Variants in HCRTR1 observed in about 807,000 individuals in gnomAD.
HCRTR1 encodes the protein orexin/Hypocretin receptor type 1.
Under a neutral mutation model 40.6 loss-of-function variants are expected in HCRTR1, and 28 were observed. The observed-to-expected ratio is 0.69, with a 90% CI of 0.51 to 0.95. The LOEUF is 0.95. Among genes scored for constraint, HCRTR1 ranks in the 40% least tolerant of loss-of-function variants. The pLI is 0.00. For synonymous variants in HCRTR1, 209 were observed against 230.0 expected, an observed-to-expected ratio of 0.91 and a Z score of 0.83; for missense variants, 482 against 564.7, an observed-to-expected ratio of 0.85 and a Z score of 1.48.
chr1:31,631,767 T>C (rs1409516599), downstream of HCRTR1, among the ~76,000 whole-genome samples: 2 of 152,204 alleles, frequency 1.3e-5, no homozygotes, highest in Non-Finnish European at 2.9e-5. Flanking sequence ...GTGATTACTA[T>C]AGGTCATCTC....
Position 31,619,102 on chromosome 1 carries a change from C to A in HCRTR1, c.-91C>A. On this transcript the variant is annotated 5_prime_UTR_variant, in exon 3 of 9. The change creates a new upstream start codon in the 5' untranslated region. Transcript: ENST00000403528. The stretch of plus-strand genomic sequence containing the variant: ...ACCTGGGTGCAAGCCTCCAGGCACC[C>A]TGAAGGGAGTGGGCTGAGGGCTGGC... The A allele has an allele frequency of 1.8e-6, 2 of 1,139,700 alleles. No individual in the cohort carries two copies. The highest frequency in any genetic ancestry group is 1.5e-5 in the South Asian group (1 of 68,452). The allele number at this position is 1,139,700 out of a possible 1,614,324, so 70.6% of individuals were successfully genotyped here.
chr1:31,629,165 A>G (rs1640032923), downstream of HCRTR1, among the ~76,000 whole-genome samples: 1 of 152,222 alleles, frequency 6.6e-6, no homozygotes, highest in Non-Finnish European at 1.5e-5. Flanking sequence ...CGGGGATTCT[A>G]GCACTACAGC....
chr1:31,618,331 C>T (rs1194561619), intron 1 of HCRTR1, among the ~76,000 whole-genome samples: 1 of 152,104 alleles, frequency 6.6e-6, no homozygotes. Flanking sequence ...CGTCGGGGAG[C>T]GTCGCGGCCC....
At chr1:31,630,595 TC>T, downstream of HCRTR1, 1 of 1,610,018 alleles carries the variant, frequency 6.2e-7, no homozygotes, top group South Asian at 1.1e-5. Context: ...TGCACTCCAC[TC>T]TCCACAGATG....
chr1:31,619,266 C>T lies in HCRTR1; in HGVS notation c.74C>T (p.Pro25Leu), dbSNP rs1639797998. The T allele has an allele frequency of 6.2e-7, 1 of 1,613,984 alleles. No individual in the cohort carries two copies. Among genetic ancestry groups the T allele is most frequent in the South Asian group, 1.1e-5 (1 of 91,092 alleles). ...AGCAGAGAGCCGTCCCCTGTGCCTCCAGACTATGAAGATGAGTTTCTCCGC... is the reference window on the plus strand; with the variant it reads ...AGCAGAGAGCCGTCCCCTGTGCCTCTAGACTATGAAGATGAGTTTCTCCGC... ...PGSREPSPVP[P>L]DYEDEFLRYL... Residue 25 changes from proline to leucine, a missense_variant, in exon 3 of 9, where the codon CCA becomes CTA. Pro to Leu is a moderately conservative substitution (Grantham distance 98, BLOSUM62 -3). Transcript: ENST00000403528.
In HCRTR1 at chr1:31,626,622, T is replaced by C. The variant is rs1042836132; in HGVS notation, c.1088-168T>C. Among the ~76,000 whole-genome samples the C allele has an allele frequency of 6.6e-6, 1 of 152,122 alleles. No homozygotes were observed. Among genetic ancestry groups the C allele is most frequent in the Non-Finnish European group, 1.5e-5 (1 of 68,032 alleles). The stretch of plus-strand genomic sequence containing the variant: ...CTCCAGGGCTTCTGTCCTCTCTCTC[T>C]GGCGGTGCCGAGGTTGCCTCAGGGC... On this transcript the variant is annotated intron_variant, in intron 8 of 8. Coordinates refer to ENST00000403528, the MANE Select transcript of HCRTR1 (RefSeq NM_001525.3). The surrounding 1 kb of genome is among the most constrained non-coding windows in gnomAD (Gnocchi z 4.6).
At chr1:31,622,937 C>T (rs796747306) in intron 6 of HCRTR1, among the ~76,000 whole-genome samples, 5 of 152,280 alleles carry the variant, frequency 3.3e-5, no homozygotes, top group African/African-American at 1.2e-4. Context: ...TCAAGGTTCC[C>T]CACCTCTTTG....
chr1:31,630,781 G>T, downstream of HCRTR1: 1 of 1,613,820 alleles, frequency 6.2e-7, no homozygotes. Context: ...AGCGTGGGCA[G>T]TAGCGGGAGA....
chr1:31,620,694 G>T, intron 4 of HCRTR1, 149 bp from the exon 5 acceptor site: 1 of 962,018 alleles, frequency 1.0e-6, no homozygotes, highest in East Asian at 2.4e-5. Flanking sequence ...GCTCAGAGAG[G>T]GTGAGTGACT....
rs147846305 is a variant in HCRTR1 at position 31,623,774 on chromosome 1, G to C, written c.965+25G>C. On this transcript the variant is annotated intron_variant, in intron 7 of 8. Coordinates refer to ENST00000403528, the MANE Select transcript of HCRTR1 (RefSeq NM_001525.3). ...GGTGAGAGCACGGGGTATGGTTGGG[G>C]TGGGGAGAAGTTTGAGGTTGGGGAA... is the stretch of plus-strand genomic sequence containing the variant. The C allele has an allele frequency of 2.6e-5, 41 of 1,578,600 alleles. No homozygotes were observed. The African/African-American group carries it at 5.1e-4, about 20-fold the overall frequency.
downstream of HCRTR1, among the ~76,000 whole-genome samples, chr1:31,634,256 A>G (rs1292502479): frequency 6.6e-6 from 1 of 152,200 alleles, no homozygotes; most frequent in Non-Finnish European, 1.5e-5. Context: ...GGCAGGAGAG[A>G]TTCTGTGACA....
In HCRTR1 at chr1:31,617,785, G is replaced by A. The variant is rs199568505; in HGVS notation, c.-300G>A. 5.9e-5 allele frequency: 9 copies of A among 152,122 alleles called. No individual in the cohort carries two copies. The highest frequency in any genetic ancestry group is 1.9e-4 in the African/African-American group (8 of 41,446). 9.4% of individuals were successfully genotyped at this position (152,122 alleles called of 1,614,324 possible). A position where few individuals can be genotyped will look rare whatever the true frequency, so the allele number is the denominator to read the frequency against. On this transcript the variant is annotated 5_prime_UTR_variant, in exon 1 of 9. Transcript: ENST00000403528. ...GCCCCGGCCCCCTCCTGCAGTCCCG[G>A]CCCCTAGAGGCTCGGCCTTCCTCGC...
chr1:31,632,364 G>A (rs780899444), downstream of HCRTR1: 21 of 1,474,678 alleles, frequency 1.4e-5, no homozygotes, highest in Non-Finnish European at 1.9e-5. Context: ...ATGCAGGCCT[G>A]CACTGAGAAC....
chr1:31,627,413 G>A lies in HCRTR1; in HGVS notation c.*433G>A, dbSNP rs995075439. On this transcript the variant is annotated 3_prime_UTR_variant, in exon 9 of 9. Transcript: ENST00000403528. ...AGCCCAGGGCTGCACTTGGCCAGCT[G>A]TTCTGATGCCTGTGTGAACTAATCT... 1 of 1,205,226 alleles carries A rather than the reference G, an allele frequency of 8.3e-7. No homozygotes were observed. 74.7% of individuals were successfully genotyped at this position (1,205,226 alleles called of 1,614,324 possible).
chr1:31,625,011 TCCG>T lies in HCRTR1; in HGVS notation c.983_985del (p.Arg328del). Reference sequence around the variant, plus strand: ...CCTGGGCCTAGGGTGTTCGGGATGTTCCGCCAAGCCAGTGACCGCGAAGCTGTC... The same window carrying T: ...CCTGGGCCTAGGGTGTTCGGGATGTTCCAAGCCAGTGACCGCGAAGCTGTC... On this transcript the variant is annotated inframe_deletion, in exon 8 of 9. Transcript: ENST00000403528. The surrounding 1 kb of genome is among the most constrained non-coding windows in gnomAD (Gnocchi z 4.2). 2 of 1,606,934 alleles carry T rather than the reference TCCG, an allele frequency of 1.2e-6. No homozygotes were observed. The highest frequency in any genetic ancestry group is 1.7e-6 in the Non-Finnish European group (2 of 1,175,156).
At chr1:31,619,801 C>G in intron 4 of HCRTR1, 91 bp downstream of exon 4, 1 of 1,240,086 alleles carries the variant, frequency 8.1e-7, no homozygotes, top group South Asian at 1.5e-5. Flanking sequence ...CCCAGACTTG[C>G]CTTTCAGACA....
chr1:31,627,378 G>A lies in HCRTR1; in HGVS notation c.*398G>A, dbSNP rs1291208840. 7.7e-7 allele frequency: 1 copy of A among 1,292,600 alleles called. No individual in the cohort carries two copies. Among genetic ancestry groups the A allele is most frequent in the Non-Finnish European group, 1.0e-6 (1 of 990,050 alleles). 80.1% of individuals were successfully genotyped at this position (1,292,600 alleles called of 1,614,324 possible). A position where few individuals can be genotyped will look rare whatever the true frequency, so the allele number is the denominator to read the frequency against. Reference sequence around the variant, plus strand: ...AACAGGCATTTCCATCTTGTTCCATGGCTCCCTGAAGCCCAGGGCTGCACT... The same window carrying A: ...AACAGGCATTTCCATCTTGTTCCATAGCTCCCTGAAGCCCAGGGCTGCACT... On this transcript the variant is annotated 3_prime_UTR_variant, in exon 9 of 9. Coordinates refer to ENST00000403528, the MANE Select transcript of HCRTR1 (RefSeq NM_001525.3).
At chr1:31,619,823 C>T (rs2148608323) in intron 4 of HCRTR1, 113 bp downstream of exon 4, 1 of 962,192 alleles carries the variant, frequency 1.0e-6, no homozygotes. Flanking sequence ...GTCAGTGGCT[C>T]ATGACCCCTG....
At chr1:31,632,445 A>G (rs368450074), downstream of HCRTR1, 8 of 1,613,700 alleles carry the variant, frequency 5.0e-6, no homozygotes, top group African/African-American at 1.1e-4. Flanking sequence ...GGGTGTAAAG[A>G]GAAGAGTCTA....
Sources: allele counts gnomAD v4.1 joint callset (sites outside exome capture counted in the v4.1 genomes callset), GRCh38; gene constraint gnomAD v4.1.1; non-coding constraint Gnocchi (gnomAD v3.1); transcripts MANE v1.5; gene names NCBI Gene and HGNC (gene_info 2026-07-23, HGNC 2026-07-21).